Variants in TBX15 observed in about 807,000 individuals in gnomAD.
TBX15 encodes T-box transcription factor 15.
Under a neutral mutation model 53.9 loss-of-function variants are expected in TBX15, and 18 were observed. That is an observed-to-expected ratio of 0.33 (90% CI 0.23 to 0.49). The LOEUF is 0.49. TBX15 is among the 20% of genes least tolerant of loss of function. The pLI is 0.98. For synonymous variants in TBX15, 295 were observed against 278.0 expected (o/e 1.06, Z -0.61); for missense variants, 692 against 749.5 (o/e 0.92, Z 0.90).
At position 118,931,638 on chromosome 1, in the gene TBX15, T is replaced by G; in HGVS notation, c.400A>C (p.Ile134Leu). 2 of 1,614,116 alleles carry G rather than the reference T, an allele frequency of 1.2e-6. No homozygotes were observed. The highest frequency in any genetic ancestry group is 1.7e-6 in the Non-Finnish European group (2 of 1,179,962). ...KRFHDIGTEM[I>L]ITKAGRRMFP... Reference sequence around the variant, plus strand: ...CCTTACCTGCCTGCTTTGGTGATGATCATTTCAGTTCCAATATCATGGAAC... The same window carrying G: ...CCTTACCTGCCTGCTTTGGTGATGAGCATTTCAGTTCCAATATCATGGAAC... Residue 134 changes from isoleucine to leucine, a missense_variant, in exon 2 of 8, where the codon ATC becomes CTC. Ile to Leu is a conservative substitution (Grantham distance 5). Around this residue, in one of 3 missense-constraint regions of TBX15, gnomAD observed 307 missense variants for 347.5 expected, o/e 0.88. Transcript: ENST00000369429.
chr1:118,946,498 A>ATGTT (rs1352652716), intron 1 of TBX15, among the ~76,000 whole-genome samples: 2 of 152,228 alleles, frequency 1.3e-5, no homozygotes, highest in Admixed American at 6.5e-5. Context: ...CAAGTGTAAT[A>ATGTT]AACATCCATC....
At chr1:118,901,345 T>C in intron 6 of TBX15, 1 of 456,546 alleles carries the variant, frequency 2.2e-6, no homozygotes, top group Non-Finnish European at 4.4e-6. Flanking sequence ...AACACACTCC[T>C]GTGTTAATTA....
chr1:118,943,155 A>G (rs971560661), intron 1 of TBX15, among the ~76,000 whole-genome samples: 1 of 152,204 alleles, frequency 6.6e-6, no homozygotes, highest in African/African-American at 2.4e-5. Context: ...CTTAATATAA[A>G]TTGTTTCCAT....
chr1:118,939,132 C>T (rs1408555767), intron 1 of TBX15, among the ~76,000 whole-genome samples: 1 of 152,040 alleles, frequency 6.6e-6, no homozygotes, highest in East Asian at 1.9e-4. Context: ...GCAGGCCAGG[C>T]CTAATGGCTC....
At position 118,885,349 on chromosome 1, in the gene TBX15, C is replaced by T. The variant is rs781513532; in HGVS notation, c.1192G>A (p.Asp398Asn). ...TTGCTTCGGGCACATGGTGGATAAT[C>T]AGAGAGGTTTAGATTACACAGCTGG... ...ESQLCNLNLS[D>N]YPPCARSNMA... The change falls in exon 8 of 8, where the codon GAT becomes AAT. Residue 398 changes from aspartate (D) to asparagine (N), a missense_variant. By Grantham distance (23) the Asp-to-Asn change is conservative (BLOSUM62 1). Coordinates refer to ENST00000369429, the MANE Select transcript of TBX15 (RefSeq NM_001330677.2). The T allele has an allele frequency of 6.8e-6, 11 of 1,613,988 alleles. No homozygotes were observed. Among genetic ancestry groups the T allele is most frequent in the Non-Finnish European group, 8.5e-6 (10 of 1,180,026 alleles).
At chr1:118,953,623 T>C (rs1158447725) in intron 1 of TBX15, among the ~76,000 whole-genome samples, 1 of 152,258 alleles carries the variant, frequency 6.6e-6, no homozygotes, top group Non-Finnish European at 1.5e-5. Context: ...ATGTTTGATG[T>C]TACACATATG....
chr1:118,980,094 A>C (rs1007035233), intron 1 of TBX15, among the ~76,000 whole-genome samples: 4 of 152,234 alleles, frequency 2.6e-5, no homozygotes, highest in African/African-American at 9.6e-5. Context: ...ATGCAATCCC[A>C]GTTCCTTCTG....
chr1:118,901,467 T>C, intron 6 of TBX15: 1 of 454,628 alleles, frequency 2.2e-6, no homozygotes, highest in Non-Finnish European at 4.4e-6. Context: ...GGGGACATAT[T>C]CAAACCATAG....
intron 7 of TBX15, among the ~76,000 whole-genome samples, chr1:118,887,642 G>A (rs1204008650): frequency 6.7e-6 from 1 of 149,854 alleles, no homozygotes; most frequent in Non-Finnish European, 1.5e-5. Context: ...GCCATTGCAC[G>A]CTGGCCTGGG....
intron 1 of TBX15, among the ~76,000 whole-genome samples, chr1:118,981,982 C>G (rs1049846409): frequency 1.3e-5 from 2 of 152,162 alleles, no homozygotes; most frequent in Non-Finnish European, 2.9e-5. Flanking sequence ...CTTAGTTTTC[C>G]CTTTTGTGAA....
chr1:118,939,421 A>C (rs1325304005), intron 1 of TBX15, among the ~76,000 whole-genome samples: 1 of 121,868 alleles, frequency 8.2e-6, no homozygotes, highest in Non-Finnish European at 1.7e-5. Flanking sequence ...AAAAAAAAAA[A>C]AAAAAAAAAA....
chr1:118,934,180 G>A (rs972797203), intron 1 of TBX15, among the ~76,000 whole-genome samples: 2 of 152,168 alleles, frequency 1.3e-5, no homozygotes, highest in African/African-American at 2.4e-5. Context: ...CCACAGGGGG[G>A]GCCTAGGTCC....
intron 1 of TBX15, among the ~76,000 whole-genome samples, chr1:118,974,953 A>C (rs1657376316): frequency 6.6e-6 from 1 of 152,172 alleles, no homozygotes; most frequent in Non-Finnish European, 1.5e-5. Context: ...AGTCAACAGT[A>C]CTTAGAAATG....
At chr1:118,979,865 C>A (rs12137674) in intron 1 of TBX15, among the ~76,000 whole-genome samples, 16,023 of 152,214 alleles carry the variant, frequency 0.11, 939 homozygotes, top group Non-Finnish European at 0.13. Flanking sequence ...GGGGCCAGCG[C>A]GGAGCCCCAG....
intron 4 of TBX15, 27 bp from the exon 5 acceptor site, chr1:118,923,630 G>C (rs1557885833): frequency 3.1e-6 from 5 of 1,613,670 alleles, no homozygotes; most frequent in Non-Finnish European, 3.4e-6. Context: ...AATTGTACCA[G>C]GCTTGGCTTT....
At chr1:118,932,621 G>A (rs1655834826) in intron 1 of TBX15, among the ~76,000 whole-genome samples, 2 of 152,140 alleles carry the variant, frequency 1.3e-5, no homozygotes, top group South Asian at 4.1e-4. Flanking sequence ...AGGTGGGATT[G>A]AGAGCAACCA....
At chr1:118,910,570 G>T (rs1264655671) in intron 6 of TBX15, among the ~76,000 whole-genome samples, 2 of 152,158 alleles carry the variant, frequency 1.3e-5, no homozygotes, top group East Asian at 3.8e-4. Flanking sequence ...TTTCCCACCT[G>T]CAAGGTGGCA....
chr1:118,894,184 G>T (rs1001639882), intron 7 of TBX15, among the ~76,000 whole-genome samples: 1 of 152,178 alleles, frequency 6.6e-6, no homozygotes, highest in African/African-American at 2.4e-5. Flanking sequence ...GAGTGATGCT[G>T]AAACAACAGA....
Position 118,987,757 on chromosome 1 carries a change from C to T in TBX15, c.39G>A (p.Ser13=). 6 of 1,550,308 alleles carry T rather than the reference C, an allele frequency of 3.9e-6. No individual in the cohort carries two copies. The South Asian group carries it at 4.8e-5, about 12-fold the overall frequency. ...ERRRSAVALS[S]RAHAFSVEAL... is the part of the protein sequence containing the mutation. Reference sequence around the variant, plus strand: ...CTTCAACGGAGAAGGCATGTGCTCGCGAGCTCAGGGCGACTGCAGATCTTC... The same window carrying T: ...CTTCAACGGAGAAGGCATGTGCTCGTGAGCTCAGGGCGACTGCAGATCTTC... The change falls in exon 1 of 8, where the codon TCG becomes TCA. Residue 13 remains serine, a synonymous_variant. Transcript: ENST00000369429.
Sources: allele counts gnomAD v4.1 joint callset (sites outside exome capture counted in the v4.1 genomes callset), GRCh38; gene constraint gnomAD v4.1.1; regional missense constraint gnomAD v4.1.1; transcripts MANE v1.5; gene names NCBI Gene and HGNC (gene_info 2026-07-23, HGNC 2026-07-21).